TNNI3K: variants seen among roughly 807,000 people sequenced by gnomAD.
The protein encoded by TNNI3K is serine/threonine-protein kinase TNNI3K.
A neutral mutation model predicts 114.5 loss-of-function variants in TNNI3K; 140 were observed. That is an observed-to-expected ratio of 1.22 (90% CI 1.07 to 1.41). TNNI3K has a LOEUF of 1.41. Ranked by LOEUF, TNNI3K falls within the 40% of genes most tolerant of loss-of-function variation. The probability of loss-of-function intolerance (pLI) is 0.00; values close to 1 mark genes in which losing one functional copy is unlikely to be tolerated. For missense variants in TNNI3K, 1,125 were observed against 1,007.6 expected (o/e 1.12, Z -1.58); for synonymous variants, 347 against 347.5 (o/e 1.00, Z 0.02).
intron 2 of TNNI3K, among the ~76,000 whole-genome samples, chr1:74,243,412 A>G (rs1330474837): frequency 6.6e-6 from 1 of 152,182 alleles, no homozygotes; most frequent in Admixed American, 6.5e-5. Flanking sequence ...TTAAATGATC[A>G]ATTTGGGAAA....
chr1:74,262,354 CT>C (rs1279104328), intron 4 of TNNI3K, among the ~76,000 whole-genome samples: 3 of 152,040 alleles, frequency 2.0e-5, no homozygotes, highest in Non-Finnish European at 4.4e-5. Flanking sequence ...GATATCACCC[CT>C]GAGAGGCAAA....
At position 74,336,008 on chromosome 1, in the gene TNNI3K, T is replaced by G. The variant is rs1660443780; in HGVS notation, c.544-3T>G. The G allele has an allele frequency of 3.8e-6, 6 of 1,568,096 alleles. No individual in the cohort carries two copies. The highest frequency in any genetic ancestry group is 1.7e-4 in the Middle Eastern group (1 of 5,910). ...ACTGATTTCAAATGAATAAATCCTTTAGGTAACTCGCCTTCTTTTGAAATT... is the reference window on the plus strand; with the variant it reads ...ACTGATTTCAAATGAATAAATCCTTGAGGTAACTCGCCTTCTTTTGAAATT... On this transcript the variant is annotated splice_polypyrimidine_tract_variant and splice_region_variant and intron_variant, in intron 6 of 24. Coordinates refer to ENST00000326637, the MANE Select transcript of TNNI3K (RefSeq NM_015978.3).
At chr1:74,412,657 C>G (rs1301136030) in intron 17 of TNNI3K, among the ~76,000 whole-genome samples, 1 of 152,138 alleles carries the variant, frequency 6.6e-6, no homozygotes, top group African/African-American at 2.4e-5. Flanking sequence ...CTCTGTCTCC[C>G]AGGCTGGAGT....
chr1:74,387,256 A>G (rs1278824028), intron 17 of TNNI3K, among the ~76,000 whole-genome samples: 2 of 152,240 alleles, frequency 1.3e-5, no homozygotes, highest in African/African-American at 2.4e-5. Context: ...AAAACCTACC[A>G]TGGTGAGAAC....
chr1:74,463,685 T>C lies in TNNI3K; in HGVS notation c.2121+135T>C, dbSNP rs950089129. 4 of 916,108 alleles carry C rather than the reference T, an allele frequency of 4.4e-6. 1 individual carries two copies. Among genetic ancestry groups the C allele is most frequent in the Admixed American group, 4.9e-5 (2 of 40,626 alleles). 56.7% of individuals were successfully genotyped at this position (916,108 alleles called of 1,614,324 possible). ...GAAGACTGATTTGCCTTCTGCTCTT[T>C]AGTCTCTAATTGCCTCAAGAAGTCT... On this transcript the variant is annotated intron_variant, in intron 21 of 24. Coordinates refer to ENST00000326637, the MANE Select transcript of TNNI3K (RefSeq NM_015978.3).
intron 22 of TNNI3K, among the ~76,000 whole-genome samples, chr1:74,491,302 C>G (rs887737472): frequency 6.6e-6 from 1 of 152,198 alleles, no homozygotes; most frequent in Non-Finnish European, 1.5e-5. Context: ...TCACTGCAAC[C>G]TCTGCCTCCC....
chr1:74,375,708 C>A, intron 17 of TNNI3K: 1 of 426,760 alleles, frequency 2.3e-6, no homozygotes, highest in Non-Finnish European at 4.8e-6. Context: ...AATCAGCAGT[C>A]CCCACTTTCA....
At chr1:74,500,372 C>A (rs1049271627) in intron 23 of TNNI3K, among the ~76,000 whole-genome samples, 4 of 151,576 alleles carry the variant, frequency 2.6e-5, no homozygotes, top group African/African-American at 7.2e-5. Flanking sequence ...GAGGCCGAGG[C>A]GGGCGGATCA....
At position 74,367,979 on chromosome 1, in the gene TNNI3K, GGACA is replaced by G. The variant is rs1482319887; in HGVS notation, c.1321+16_1321+19del. 2.6e-6 allele frequency: 4 copies of G among 1,541,578 alleles called. No individual in the cohort carries two copies. Among genetic ancestry groups the G allele is most frequent in the Non-Finnish European group, 3.5e-6 (4 of 1,150,944 alleles). ...CATGACAAAAGGTACCTATAATCTG[GGACA>G]ATTGTTATATTTAATTACTAAGGAT... is the stretch of plus-strand genomic sequence containing the variant. On this transcript the variant is annotated intron_variant, in intron 13 of 24. Transcript: ENST00000326637.
intron 17 of TNNI3K, among the ~76,000 whole-genome samples, chr1:74,427,056 A>G (rs928205645): frequency 4.6e-5 from 7 of 152,038 alleles, no homozygotes; most frequent in Admixed American, 2.0e-4. Flanking sequence ...ATTGCTTGCT[A>G]TATCTCCTTT....
chr1:74,436,084 A>G lies in TNNI3K; in HGVS notation c.1777A>G (p.Asn593Asp). The G allele has an allele frequency of 6.3e-7, 1 of 1,587,412 alleles. No homozygotes were observed. Among genetic ancestry groups the G allele is most frequent in the Non-Finnish European group, 8.5e-7 (1 of 1,171,356 alleles). Reference sequence around the variant, plus strand: ...TTTTTTTTTTTTTTTTTACAGTCACAATATTCTTCTCTATGAGGATGGGCA... The same window carrying G: ...TTTTTTTTTTTTTTTTTACAGTCACGATATTCTTCTCTATGAGGATGGGCA... ...PIIHRDLNSH[N>D]ILLYEDGHAV... The change falls in exon 18 of 25, where the codon AAT becomes GAT. Residue 593 changes from asparagine to aspartate, a missense_variant. By Grantham distance (23) the Asn-to-Asp change is conservative. Coordinates refer to ENST00000326637, the MANE Select transcript of TNNI3K (RefSeq NM_015978.3).
intron 23 of TNNI3K, among the ~76,000 whole-genome samples, chr1:74,493,735 G>A (rs1570697184): frequency 6.6e-6 from 1 of 152,256 alleles, no homozygotes; most frequent in East Asian, 1.9e-4. Context: ...ATAGAAAAAT[G>A]TACTACCTGG....
chr1:74,461,194 A>G (rs796495912), intron 20 of TNNI3K, among the ~76,000 whole-genome samples: 29 of 152,316 alleles, frequency 1.9e-4, no homozygotes, highest in African/African-American at 6.0e-4. Context: ...AAAATAGTCA[A>G]GAGTGGCCCA....
intron 17 of TNNI3K, chr1:74,374,056 CA>C (rs1232004773): frequency 6.6e-6 from 1 of 151,788 alleles, no homozygotes; most frequent in Admixed American, 6.6e-5. Flanking sequence ...ATATCTAGTA[CA>C]ATGTAAATGC....
At chr1:74,485,662 C>G (rs1392561789) in intron 21 of TNNI3K, among the ~76,000 whole-genome samples, 1 of 152,176 alleles carries the variant, frequency 6.6e-6, no homozygotes, top group African/African-American at 2.4e-5. Flanking sequence ...TCTGACCTAA[C>G]TGGGTGAGCC....
chr1:74,344,999 GTATA>G (rs1169240430), intron 9 of TNNI3K, among the ~76,000 whole-genome samples: 3 of 151,794 alleles, frequency 2.0e-5, no homozygotes, highest in Non-Finnish European at 4.4e-5. Flanking sequence ...AAATATATAT[GTATA>G]TATATGTACA....
At chr1:74,476,404 T>C (rs1668209873) in intron 21 of TNNI3K, among the ~76,000 whole-genome samples, 1 of 152,134 alleles carries the variant, frequency 6.6e-6, no homozygotes, top group Admixed American at 6.6e-5. Context: ...TCCCTTGTTT[T>C]TTCACCCTTA....
In TNNI3K at chr1:74,395,105, G is replaced by T. The variant is rs1323953137; in HGVS notation, c.1772+24713G>T. Among the ~76,000 whole-genome samples the T allele has an allele frequency of 2.0e-5, 3 of 151,940 alleles. No individual in the cohort carries two copies. In the East Asian group the frequency reaches 5.8e-4, roughly 29 times the overall value. On this transcript the variant is annotated intron_variant, in intron 17 of 24. Coordinates refer to ENST00000326637, the MANE Select transcript of TNNI3K (RefSeq NM_015978.3). ...CACAACAACTGATAGGTGACATCCGGGAAGACTGTGACCCCCATAGTACCC... is the reference window on the plus strand; with the variant it reads ...CACAACAACTGATAGGTGACATCCGTGAAGACTGTGACCCCCATAGTACCC...
chr1:74,400,949 T>C (rs1664328568), intron 17 of TNNI3K, among the ~76,000 whole-genome samples: 1 of 152,208 alleles, frequency 6.6e-6, no homozygotes, highest in Non-Finnish European at 1.5e-5. Context: ...ACCAAATAAT[T>C]TTAAGTCTAA....
Sources: gnomAD v4.1 joint callset for allele counts (sites outside exome capture counted in the v4.1 genomes callset) on GRCh38, gnomAD v4.1.1 for gene constraint, MANE v1.5 for transcripts, NCBI Gene and HGNC (gene_info 2026-07-23, HGNC 2026-07-21) for gene names.